Variants in DHCR7 observed in about 807,000 individuals in gnomAD.
DHCR7 encodes 7-DHC reductase.
DHCR7 carries 40 observed loss-of-function variants against 43.3 expected under a neutral mutation model. The ratio of observed to expected loss-of-function variants is 0.92; its 90% confidence interval spans 0.72 to 1.20. The LOEUF is 1.20. Ranked by LOEUF, DHCR7 falls within the 50% of genes most tolerant of loss-of-function variation. DHCR7 has a pLI of 0.00. For synonymous variants in DHCR7, 298 were observed against 271.4 expected, an observed-to-expected ratio of 1.10 and a Z score of -0.96; for missense variants, 608 against 644.6, an observed-to-expected ratio of 0.94 and a Z score of 0.62.
chr11:71,428,512 C>T (rs1949211976), exon 3 of DHCR7: 2 of 174,320 alleles, frequency 1.1e-5, no homozygotes, highest in South Asian at 1.3e-4. Flanking sequence ...TAACTTGTTC[C>T]CGATCTTTTC....
chr11:71,430,947 G>C (rs1265109074), downstream of DHCR7, among the ~76,000 whole-genome samples: 2 of 152,226 alleles, frequency 1.3e-5, no homozygotes, highest in Admixed American at 1.3e-4. Flanking sequence ...CTGAGGTTAG[G>C]AGTTCGAGAC....
chr11:71,435,887 G>C (rs749369790), intron 8 of DHCR7, 48 bp from the exon 9 acceptor site: 2 of 1,529,664 alleles, frequency 1.3e-6, no homozygotes, highest in Non-Finnish European at 1.8e-6. Context: ...CCCAGGGAGA[G>C]GACAGGAGTG....
At position 71,436,074 on chromosome 11, in the gene DHCR7, T is replaced by A. The variant is rs532673605; in HGVS notation, c.964-235A>T. The A allele has an allele frequency of 5.2e-6, 3 of 571,468 alleles. No individual in the cohort carries two copies. The East Asian group carries it at 8.6e-5, about 16-fold the overall frequency. The allele number at this position is 571,468 out of a possible 1,614,324, so 35.4% of individuals were successfully genotyped here. On this transcript the variant is annotated intron_variant, in intron 8 of 8. Coordinates refer to ENST00000355527, the MANE Select transcript of DHCR7 (RefSeq NM_001360.3). ...GTGTGTGTATGTGTGTGTGTATATA[T>A]ACCCCCTATATATATGACATATAGC...
downstream of DHCR7, among the ~76,000 whole-genome samples, chr11:71,430,683 G>A (rs548102950): frequency 1.3e-5 from 2 of 152,210 alleles, no homozygotes; most frequent in Non-Finnish European, 2.9e-5. Context: ...GGTGAAGGCC[G>A]AGAATTTTAC....
intron 6 of DHCR7, 28 bp from the exon 7 acceptor site, chr11:71,439,111 T>A (rs1447110810): frequency 6.3e-7 from 1 of 1,595,210 alleles, no homozygotes; most frequent in Admixed American, 1.7e-5. Context: ...AAGATACATT[T>A]AGTGGATGAG....
downstream of DHCR7, among the ~76,000 whole-genome samples, chr11:71,431,378 G>A (rs566675037): frequency 6.6e-6 from 1 of 152,346 alleles, no homozygotes; most frequent in African/African-American, 2.4e-5. Context: ...GGCTTCACCG[G>A]GGATCCACCT....
At chr11:71,448,911 C>G (rs1949435197), upstream of DHCR7, 1 of 152,532 alleles carries the variant, frequency 6.6e-6, no homozygotes, top group South Asian at 2.1e-4. Flanking sequence ...TCAGGGAAGG[C>G]TCGCCGCTGG....
chr11:71,444,949 C>A lies in DHCR7; in HGVS notation c.4G>T (p.Ala2Ser), dbSNP rs1393635021. MAAKSQPNIPKA... is the reference protein window; with the variant it reads MSAKSQPNIPKA... ...GGAATGTTGGGTTGCGATTTTGCAGCCATTGGGCCCTGCAAGAAAGAGAAC... is the reference window on the plus strand; with the variant it reads ...GGAATGTTGGGTTGCGATTTTGCAGACATTGGGCCCTGCAAGAAAGAGAAC... The change falls in exon 3 of 9, where the codon GCT becomes TCT. Residue 2 changes from alanine to serine, a missense_variant. Physicochemically the swap from Ala to Ser is moderately conservative, Grantham distance 99. Transcript: ENST00000355527. The A allele has an allele frequency of 6.2e-7, 1 of 1,614,076 alleles. No individual in the cohort carries two copies. Among genetic ancestry groups the A allele is most frequent in the East Asian group, 2.2e-5 (1 of 44,876 alleles).
Position 71,441,211 on chromosome 11 carries a change from G to C in DHCR7, c.626+16C>G. The C allele has an allele frequency of 1.2e-6, 2 of 1,612,982 alleles. No homozygotes were observed. Among genetic ancestry groups the C allele is most frequent in the South Asian group, 1.1e-5 (1 of 91,044 alleles). ...GCACTTTCTACATCAGGCTGGACCC[G>C]CTGCTAAGAACATACCAGTCTCTGG... On this transcript the variant is annotated intron_variant, in intron 6 of 8. Coordinates refer to ENST00000355527, the MANE Select transcript of DHCR7 (RefSeq NM_001360.3).
At chr11:71,446,688 A>C (rs1416289920) in intron 2 of DHCR7, among the ~76,000 whole-genome samples, 1 of 152,280 alleles carries the variant, frequency 6.6e-6, no homozygotes, top group Non-Finnish European at 1.5e-5. Flanking sequence ...ACGATGAAAG[A>C]CATTTTCCTT....
In DHCR7 at chr11:71,437,806, C is replaced by T. The variant is rs200882823; in HGVS notation, c.963+6G>A. ...CCCGCTGGGCCAGCTCTGCCCACCT[C>T]CTCACCTGCAGCGTGTAAAGATAAG... On this transcript the variant is annotated splice_donor_region_variant and intron_variant, in intron 8 of 8. Coordinates refer to ENST00000355527, the MANE Select transcript of DHCR7 (RefSeq NM_001360.3). 5.6e-6 allele frequency: 9 copies of T among 1,613,804 alleles called. No individual in the cohort carries two copies. Among genetic ancestry groups the T allele is most frequent in the Non-Finnish European group, 8.5e-7 (1 of 1,180,010 alleles).
intron 8 of DHCR7, among the ~76,000 whole-genome samples, chr11:71,436,125 TA>T (rs2135940446): frequency 6.6e-6 from 1 of 152,328 alleles, no homozygotes; most frequent in African/African-American, 2.4e-5. Flanking sequence ...GTAACAGTAT[TA>T]AAAATATAAT....
chr11:71,448,784 C>CGTAT (rs1236909643), upstream of DHCR7: 1 of 152,292 alleles, frequency 6.6e-6, no homozygotes, highest in Non-Finnish European at 1.5e-5. Flanking sequence ...ATTGATGGAG[C>CGTAT]GTATGTCCAG....
In DHCR7 at chr11:71,434,970, C is replaced by T; in HGVS notation, c.*405G>A. The T allele has an allele frequency of 7.6e-6, 3 of 392,960 alleles. No individual in the cohort carries two copies. The highest frequency in any genetic ancestry group is 1.9e-5 in the South Asian group (1 of 51,948). 24.3% of individuals were successfully genotyped at this position (392,960 alleles called of 1,614,324 possible). A position where few individuals can be genotyped will look rare whatever the true frequency, so the allele number is the denominator to read the frequency against. On this transcript the variant is annotated 3_prime_UTR_variant, in exon 9 of 9. Transcript: ENST00000355527. The stretch of plus-strand genomic sequence containing the variant: ...GGATAACGCGCACGCCCCACTCCCA[C>T]TTTTATTTAGCAAGAGTAAATGCAG...
intron 7 of DHCR7, 46 bp downstream of exon 7, chr11:71,438,833 A>G (rs1359630579): frequency 1.3e-6 from 2 of 1,599,056 alleles, no homozygotes; most frequent in Non-Finnish European, 8.6e-7. Flanking sequence ...GTTCCCCCAG[A>G]GCCTGCCGGC....
At chr11:71,435,964 G>A (rs143811340) in intron 8 of DHCR7, 125 bp from the exon 9 acceptor site, 701 of 779,604 alleles carry the variant, frequency 9.0e-4, no homozygotes, top group African/African-American at 6.9e-3. Flanking sequence ...CCTTGCCTCC[G>A]TGTTCTCTTC....
chr11:71,441,932 A>C (rs1949352429), intron 5 of DHCR7, among the ~76,000 whole-genome samples: 1 of 152,190 alleles, frequency 6.6e-6, no homozygotes, highest in African/African-American at 2.4e-5. Context: ...TGAACAGACA[A>C]GGTCTCCCAC....
At chr11:71,444,512 C>T (rs563367297) in intron 3 of DHCR7, among the ~76,000 whole-genome samples, 22 of 152,266 alleles carry the variant, frequency 1.4e-4, no homozygotes, top group African/African-American at 5.1e-4. Flanking sequence ...TCCCCAGTTC[C>T]AGGTCGGAGA....
chr11:71,430,909 C>A (rs955470854), downstream of DHCR7, among the ~76,000 whole-genome samples: 8 of 152,216 alleles, frequency 5.3e-5, no homozygotes, highest in African/African-American at 1.9e-4. Context: ...AATCCCAGCA[C>A]TTTGGGAGGC....
Sources: gnomAD v4.1 joint callset for allele counts (sites outside exome capture counted in the v4.1 genomes callset) on GRCh38, gnomAD v4.1.1 for gene constraint, MANE v1.5 for transcripts, NCBI Gene and HGNC (gene_info 2026-07-23, HGNC 2026-07-21) for gene names.